MSH3: variants seen among roughly 807,000 people sequenced by gnomAD.
MSH3 encodes the protein DNA mismatch repair protein Msh3.
Under a neutral mutation model 123.3 loss-of-function variants are expected in MSH3, and 106 were observed. That is an observed-to-expected ratio of 0.86 (90% confidence interval 0.73 to 1.01). The LOEUF is 1.01. MSH3 is among the 50% of genes least tolerant of loss of function. The pLI, the probability that MSH3 is intolerant of heterozygous loss-of-function variation, is 0.00. For synonymous variants in MSH3, 515 were observed against 481.4 expected (o/e 1.07, Z -0.91); for missense variants, 1,459 against 1,347.6 (o/e 1.08, Z -1.29).
At chr5:80,808,549 C>T (rs245389) in intron 19 of MSH3, among the ~76,000 whole-genome samples, 106,167 of 151,796 alleles carry the variant, frequency 0.7, 37,175 homozygotes, top group South Asian at 0.79. Flanking sequence ...TGTTTCCCAG[C>T]TAAATAAACA....
Position 80,863,167 on chromosome 5 carries a change from A to G in MSH3, c.3001-1646A>G, listed in dbSNP as rs551431296. Among the ~76,000 whole-genome samples the G allele has an allele frequency of 4.1e-4, 62 of 152,318 alleles. No individual in the cohort carries two copies. In the South Asian group the frequency reaches 5.2e-3, roughly 13 times the overall value. The stretch of plus-strand genomic sequence containing the variant: ...ATGCACTGGGAAGGACCCATCACCT[A>G]CATATACATGGAATATTCCTGGTAT... On this transcript the variant is annotated intron_variant, in intron 21 of 23. Coordinates refer to ENST00000265081, the MANE Select transcript of MSH3 (RefSeq NM_002439.5).
chr5:80,856,607 C>T (rs1173284075), intron 21 of MSH3, among the ~76,000 whole-genome samples: 3 of 151,248 alleles, frequency 2.0e-5, no homozygotes, highest in Admixed American at 6.6e-5. Flanking sequence ...TGTTAAATGA[C>T]GAGTTAATGG....
intron 22 of MSH3, among the ~76,000 whole-genome samples, chr5:80,866,400 A>G (rs1746099310): frequency 6.6e-6 from 1 of 152,088 alleles, no homozygotes; most frequent in African/African-American, 2.4e-5. Flanking sequence ...TGGCCTCCCA[A>G]AGTGCTGGGA....
At chr5:80,869,883 T>G (rs1463433030) in intron 22 of MSH3, among the ~76,000 whole-genome samples, 1 of 129,472 alleles carries the variant, frequency 7.7e-6, no homozygotes, top group Non-Finnish European at 1.7e-5. Context: ...AAATTAAAAG[T>G]CATTAATAGG....
chr5:80,687,988 G>T (rs887775072), intron 8 of MSH3, among the ~76,000 whole-genome samples: 4 of 152,162 alleles, frequency 2.6e-5, no homozygotes, highest in African/African-American at 9.7e-5. Context: ...GGAGAACCAG[G>T]ACAAGGTAGG....
chr5:80,680,216 C>T (rs1749944650), intron 8 of MSH3, among the ~76,000 whole-genome samples: 1 of 151,404 alleles, frequency 6.6e-6, no homozygotes, highest in East Asian at 1.9e-4. Context: ...GCCAAGATCA[C>T]ACCACTTCAC....
chr5:80,704,575 C>CT (rs1426098765), intron 8 of MSH3, among the ~76,000 whole-genome samples: 4 of 152,118 alleles, frequency 2.6e-5, no homozygotes, highest in Non-Finnish European at 4.4e-5. Flanking sequence ...GATTATGGTG[C>CT]TTTTTGCCTG....
At chr5:80,698,269 CATT>C (rs1197893167) in intron 8 of MSH3, among the ~76,000 whole-genome samples, 6 of 152,150 alleles carry the variant, frequency 3.9e-5, no homozygotes, top group Non-Finnish European at 8.8e-5. Flanking sequence ...CTAAGTTGAA[CATT>C]ATTATACAGT....
chr5:80,860,068 C>T (rs1745989513), intron 21 of MSH3, among the ~76,000 whole-genome samples: 1 of 151,814 alleles, frequency 6.6e-6, no homozygotes, highest in South Asian at 2.1e-4. Context: ...ATCCTTTGCA[C>T]CATCACTGTC....
chr5:80,743,031 T>C (rs1272020998), intron 11 of MSH3, among the ~76,000 whole-genome samples: 1 of 152,148 alleles, frequency 6.6e-6, no homozygotes, highest in Non-Finnish European at 1.5e-5. Flanking sequence ...ATCTTCTGCT[T>C]GTCTTTGTAC....
At chr5:80,854,912 A>G (rs961496144) in intron 21 of MSH3, among the ~76,000 whole-genome samples, 1 of 152,184 alleles carries the variant, frequency 6.6e-6, no homozygotes, top group East Asian at 1.9e-4. Context: ...CCTCGAGGGA[A>G]AAACAAGGAA....
chr5:80,813,933 G>A (rs1166599576), intron 20 of MSH3, among the ~76,000 whole-genome samples, 192 bp downstream of exon 20: 5 of 152,100 alleles, frequency 3.3e-5, no homozygotes. Flanking sequence ...GACCAAGGCA[G>A]GAGGATCACT....
In MSH3 at chr5:80,789,058, G is replaced by A. The variant is rs540355085; in HGVS notation, c.2543+1386G>A. ...TTTGATAGCAACAGAATAAGTCGAT[G>A]TAAATTTTAGTGCAGAAAAAATCAC... On this transcript the variant is annotated intron_variant, in intron 18 of 23. Coordinates refer to ENST00000265081, the MANE Select transcript of MSH3 (RefSeq NM_002439.5). 1.7e-3 allele frequency among the ~76,000 whole-genome samples: 253 copies of A among 152,222 alleles called. 1 individual carries two copies. The highest frequency in any genetic ancestry group is 5.9e-3 in the African/African-American group (246 of 41,558).
chr5:80,845,776 A>C (rs929254898), intron 20 of MSH3, among the ~76,000 whole-genome samples: 2 of 152,106 alleles, frequency 1.3e-5, no homozygotes, highest in East Asian at 1.9e-4. Context: ...TCTTCTCGAC[A>C]CTGTTTATTC....
At chr5:80,841,756 G>GT (rs1457037418) in intron 20 of MSH3, among the ~76,000 whole-genome samples, 3 of 152,014 alleles carry the variant, frequency 2.0e-5, no homozygotes, top group Non-Finnish European at 2.9e-5. Flanking sequence ...GGGGTTGTTT[G>GT]TTTTTTTCTT....
intron 8 of MSH3, among the ~76,000 whole-genome samples, chr5:80,691,522 A>G (rs1416422293): frequency 6.6e-6 from 1 of 150,618 alleles, no homozygotes; most frequent in African/African-American, 2.4e-5. Flanking sequence ...ATATAAATTC[A>G]ATGCAATTCT....
At chr5:80,669,499 A>G (rs1453884310) in intron 3 of MSH3, among the ~76,000 whole-genome samples, 1 of 152,240 alleles carries the variant, frequency 6.6e-6, no homozygotes, top group Non-Finnish European at 1.5e-5. Flanking sequence ...AAAGGTAAGA[A>G]TAGTAGGAGT....
intron 21 of MSH3, among the ~76,000 whole-genome samples, chr5:80,863,856 G>C (rs1388058864): frequency 6.6e-6 from 1 of 152,134 alleles, no homozygotes; most frequent in African/African-American, 2.4e-5. Flanking sequence ...TTATTGTGCA[G>C]AGGAATCTCT....
At chr5:80,802,637 C>A (rs1327598850) in intron 19 of MSH3, among the ~76,000 whole-genome samples, 1 of 152,014 alleles carries the variant, frequency 6.6e-6, no homozygotes, top group Non-Finnish European at 1.5e-5. Context: ...ACTATAGTGA[C>A]CATGTTGTCC....
Sources: allele counts gnomAD v4.1 joint callset (sites outside exome capture counted in the v4.1 genomes callset), GRCh38; gene constraint gnomAD v4.1.1; transcripts MANE v1.5; gene names NCBI Gene and HGNC (gene_info 2026-07-23, HGNC 2026-07-21).